The following ARL15 variants were observed in gnomAD, a reference collection of about 807,000 sequenced individuals.
ARL15 encodes the protein ADP-ribosylation factor-like protein 15.
ARL15 carries 19 observed loss-of-function variants against 25.2 expected under a neutral mutation model. That is an observed-to-expected ratio of 0.75 (90% CI 0.53 to 1.10). The LOEUF is 1.10. ARL15 is among the 50% of genes least tolerant of loss of function. The pLI is 0.00. For missense variants in ARL15, 220 were observed against 246.0 expected (o/e 0.89, Z 0.71); for synonymous variants, 94 against 86.8 (o/e 1.08, Z -0.46).
At chr5:54,082,982 C>T (rs1055260878) in intron 4 of ARL15, among the ~76,000 whole-genome samples, 4 of 152,056 alleles carry the variant, frequency 2.6e-5, no homozygotes, top group African/African-American at 9.7e-5. Flanking sequence ...AATGAAAAGA[C>T]AGATGAGGCC....
chr5:54,209,895 T>C lies in ARL15; in HGVS notation c.49-37967A>G, dbSNP rs185472531. ...TCAAAGAAGTAAGAAAGCTATCTTT[T>C]TCTTACATGGCAACTTTCTCTTCAA... On this transcript the variant is annotated intron_variant, in intron 1 of 4. Transcript: ENST00000504924. Among the ~76,000 whole-genome samples, 356 of 152,322 alleles carry C rather than the reference T, an allele frequency of 2.3e-3. 1 individual carries two copies. Among genetic ancestry groups the C allele is most frequent in the Non-Finnish European group, 4.0e-3 (275 of 68,004 alleles).
intron 4 of ARL15, among the ~76,000 whole-genome samples, chr5:53,970,657 G>C (rs6890583): frequency 6.6e-6 from 1 of 152,182 alleles, no homozygotes; most frequent in Non-Finnish European, 1.5e-5. Flanking sequence ...ACAACTCAAC[G>C]CAACAGATGA....
chr5:54,092,047 AACACACACAC>A (rs758037549), intron 4 of ARL15, among the ~76,000 whole-genome samples: 1 of 146,232 alleles, frequency 6.8e-6, no homozygotes, highest in Non-Finnish European at 1.5e-5. Flanking sequence ...TCAAATTGAA[AACACACACAC>A]ACACACACAC....
chr5:53,926,395 T>C (rs2112034783), intron 4 of ARL15, among the ~76,000 whole-genome samples: 1 of 130,326 alleles, frequency 7.7e-6, no homozygotes, highest in East Asian at 2.1e-4. Context: ...ATGGAGAACA[T>C]GCAGCCACGG....
chr5:54,246,285 T>C (rs916327100), intron 1 of ARL15, among the ~76,000 whole-genome samples: 3 of 151,994 alleles, frequency 2.0e-5, no homozygotes, highest in Admixed American at 6.5e-5. Flanking sequence ...TTCTTTTCAC[T>C]AACATGAAGC....
intron 4 of ARL15, among the ~76,000 whole-genome samples, chr5:53,902,296 G>T (rs1745094347): frequency 6.6e-6 from 1 of 152,200 alleles, no homozygotes; most frequent in African/African-American, 2.4e-5. Flanking sequence ...TATTCTCCCT[G>T]CTAATCCAAT....
intron 2 of ARL15, among the ~76,000 whole-genome samples, chr5:54,166,476 C>T (rs1176172139): frequency 6.6e-6 from 1 of 152,092 alleles, no homozygotes; most frequent in Non-Finnish European, 1.5e-5. Context: ...ATTGGGATTA[C>T]AAGTGTGAGC....
intron 3 of ARL15, among the ~76,000 whole-genome samples, chr5:54,131,750 A>G (rs1753445228): frequency 6.6e-6 from 1 of 152,126 alleles, no homozygotes; most frequent in Non-Finnish European, 1.5e-5. Flanking sequence ...CTACACTATC[A>G]CCAGAATTAC....
intron 4 of ARL15, among the ~76,000 whole-genome samples, chr5:53,938,786 G>C (rs1244573455): frequency 6.6e-6 from 1 of 152,232 alleles, no homozygotes; most frequent in Non-Finnish European, 1.5e-5. Context: ...AGAGGTTGCA[G>C]TGAGCCGAGA....
intron 4 of ARL15, among the ~76,000 whole-genome samples, chr5:54,020,867 A>C (rs1472156126): frequency 6.6e-6 from 1 of 152,096 alleles, no homozygotes; most frequent in Non-Finnish European, 1.5e-5. Flanking sequence ...AGGCAGGAGA[A>C]TCGCTTGAAT....
At chr5:54,162,550 G>A (rs1358339403) in intron 2 of ARL15, among the ~76,000 whole-genome samples, 2 of 152,064 alleles carry the variant, frequency 1.3e-5, no homozygotes, top group African/African-American at 2.4e-5. Flanking sequence ...CATCCTACCT[G>A]AGTTATGACG....
At chr5:54,249,416 G>A (rs769438473) in intron 1 of ARL15, among the ~76,000 whole-genome samples, 2 of 152,110 alleles carry the variant, frequency 1.3e-5, no homozygotes, top group Non-Finnish European at 2.9e-5. Context: ...AGATACTTGA[G>A]TCAACGAAGA....
At chr5:53,926,220 C>T (rs976822514) in intron 4 of ARL15, among the ~76,000 whole-genome samples, 2 of 152,048 alleles carry the variant, frequency 1.3e-5, no homozygotes, top group Non-Finnish European at 2.9e-5. Context: ...TCAGAGATTG[C>T]AGGAAGCCAC....
At chr5:54,157,465 A>G (rs985742600) in intron 2 of ARL15, among the ~76,000 whole-genome samples, 1 of 152,038 alleles carries the variant, frequency 6.6e-6, no homozygotes, top group African/African-American at 2.4e-5. Context: ...AGGCTGGGGT[A>G]CAGTGGCGTG....
chr5:54,123,155 G>A (rs1753139156), intron 3 of ARL15, among the ~76,000 whole-genome samples: 2 of 150,926 alleles, frequency 1.3e-5, no homozygotes, highest in African/African-American at 4.9e-5. Context: ...TTTTGCGCAG[G>A]CTGGAGTGCA....
intron 4 of ARL15, among the ~76,000 whole-genome samples, chr5:53,993,546 G>A (rs1748574777): frequency 6.6e-6 from 1 of 152,102 alleles, no homozygotes; most frequent in Non-Finnish European, 1.5e-5. Context: ...TCCTTACATT[G>A]CCTATTTCAA....
chr5:53,928,366 T>C (rs1746096806), intron 4 of ARL15, among the ~76,000 whole-genome samples: 1 of 152,358 alleles, frequency 6.6e-6, no homozygotes, highest in Non-Finnish European at 1.5e-5. Flanking sequence ...AGCCATGATC[T>C]TTCTAAAAGG....
intron 1 of ARL15, among the ~76,000 whole-genome samples, chr5:54,240,302 C>T (rs1756926644): frequency 6.7e-6 from 1 of 148,772 alleles, no homozygotes; most frequent in Non-Finnish European, 1.5e-5. Context: ...CATCAGTTGG[C>T]TCAAAAGGTG....
chr5:54,304,150 C>A (rs1010625745), intron 1 of ARL15, among the ~76,000 whole-genome samples: 1 of 152,216 alleles, frequency 6.6e-6, no homozygotes, highest in Non-Finnish European at 1.5e-5. Flanking sequence ...TGCATCCCAA[C>A]TGCCTTAACA....
Sources: allele counts gnomAD v4.1 joint callset (sites outside exome capture counted in the v4.1 genomes callset), GRCh38; gene constraint gnomAD v4.1.1; transcripts MANE v1.5; gene names NCBI Gene and HGNC (gene_info 2026-07-23, HGNC 2026-07-21).